Variants in DROSHA observed in about 807,000 individuals in gnomAD.
DROSHA encodes drosha ribonuclease III.
Under a neutral mutation model 181.9 loss-of-function variants are expected in DROSHA, and 56 were observed. That is an observed-to-expected ratio of 0.31 (90% CI 0.25 to 0.38). DROSHA has a LOEUF of 0.38. DROSHA is among the 10% of genes least tolerant of loss of function. The pLI is 1.00. For synonymous variants in DROSHA, 524 were observed against 591.2 expected (o/e 0.89, Z 1.65); for missense variants, 1,218 against 1,743.5 (o/e 0.70, Z 5.37).
intron 20 of DROSHA, among the ~76,000 whole-genome samples, chr5:31,452,321 C>T (rs775773126): frequency 6.6e-6 from 1 of 152,176 alleles, no homozygotes; most frequent in East Asian, 1.9e-4. Context: ...ACCAGATATG[C>T]CACCCTAAGT....
chr5:31,507,624 C>CA (rs933952330), intron 10 of DROSHA, among the ~76,000 whole-genome samples: 20 of 151,220 alleles, frequency 1.3e-4, no homozygotes, highest in East Asian at 3.9e-4. Flanking sequence ...TCAAAAAAAA[C>CA]AAAAAAACAA....
chr5:31,433,842 C>T (rs902814971), intron 25 of DROSHA, among the ~76,000 whole-genome samples: 2 of 152,188 alleles, frequency 1.3e-5, no homozygotes. Flanking sequence ...CATAAGCCAC[C>T]ACGCCCGGTA....
intron 16 of DROSHA, among the ~76,000 whole-genome samples, chr5:31,473,441 T>A (rs1368434583): frequency 3.3e-5 from 5 of 152,210 alleles, no homozygotes; most frequent in Admixed American, 3.3e-4. Context: ...TAGGCATGCA[T>A]TCACTCATTC....
At chr5:31,516,893 A>G (rs751156932) in intron 6 of DROSHA, among the ~76,000 whole-genome samples, 22 of 152,262 alleles carry the variant, frequency 1.4e-4, no homozygotes, top group Non-Finnish European at 2.4e-4. Context: ...ACCATAAACA[A>G]TGCTATCATG....
chr5:31,462,759 T>A (rs1445820695), intron 20 of DROSHA, among the ~76,000 whole-genome samples: 3 of 151,868 alleles, frequency 2.0e-5, no homozygotes, highest in Non-Finnish European at 4.4e-5. Context: ...CTGTCTCCAC[T>A]CCCATCTCCC....
At chr5:31,406,502 T>A (rs1271454070) in intron 34 of DROSHA, among the ~76,000 whole-genome samples, 2 of 151,204 alleles carry the variant, frequency 1.3e-5, no homozygotes, top group Non-Finnish European at 3.0e-5. Flanking sequence ...AAAAAAAAAA[T>A]AAATAAAAGT....
intron 15 of DROSHA, among the ~76,000 whole-genome samples, chr5:31,483,927 A>T (rs905292812): frequency 3.9e-5 from 6 of 152,090 alleles, no homozygotes; most frequent in African/African-American, 1.4e-4. Context: ...AACTATCAAG[A>T]CTTATTATAA....
intron 30 of DROSHA, among the ~76,000 whole-genome samples, chr5:31,413,621 C>A (rs767310008): frequency 1.3e-5 from 2 of 152,360 alleles, no homozygotes; most frequent in Admixed American, 1.3e-4. Context: ...AGAGGAGCAA[C>A]GTGCTGCTGC....
chr5:31,459,414 TAAAA>T (rs4050153), intron 20 of DROSHA, among the ~76,000 whole-genome samples: 2,635 of 130,196 alleles, frequency 0.02, 80 homozygotes, highest in African/African-American at 0.071. Context: ...TCCCATGTCT[TAAAA>T]AAAAAAAAAA....
chr5:31,491,821 G>A (rs1186417718), intron 13 of DROSHA, among the ~76,000 whole-genome samples: 1 of 152,080 alleles, frequency 6.6e-6, no homozygotes, highest in Non-Finnish European at 1.5e-5. Context: ...TTGAGACATA[G>A]TTTCACTCTT....
Position 31,514,487 on chromosome 5 carries a change from A to T in DROSHA, c.1290+501T>A, listed in dbSNP as rs1413022411. 2.6e-5 allele frequency among the ~76,000 whole-genome samples: 4 copies of T among 151,722 alleles called. No homozygotes were observed. The highest frequency in any genetic ancestry group is 9.7e-5 in the African/African-American group (4 of 41,304). ...ATGACCTCATCTCTACTAAAAAATA[A>T]AAAAAAATTAGCCAGTCATGGTGGC... On this transcript the variant is annotated intron_variant, in intron 8 of 35. Coordinates refer to ENST00000344624, the MANE Select transcript of DROSHA (RefSeq NM_001382508.1). The surrounding 1 kb of genome is among the most constrained non-coding windows in gnomAD (Gnocchi z 4.4).
chr5:31,464,488 T>C, intron 19 of DROSHA, 145 bp from the exon 20 acceptor site: 1 of 764,630 alleles, frequency 1.3e-6, no homozygotes, highest in East Asian at 2.7e-5. Context: ...AATTACAATA[T>C]TTTCTTTAAA....
chr5:31,513,926 A>G (rs1738977401), intron 8 of DROSHA, among the ~76,000 whole-genome samples: 1 of 152,212 alleles, frequency 6.6e-6, no homozygotes, highest in African/African-American at 2.4e-5. Context: ...GAGAGCAAAA[A>G]GGTGACAGTG....
At chr5:31,423,926 C>G (rs1251910358) in intron 28 of DROSHA, among the ~76,000 whole-genome samples, 1 of 152,154 alleles carries the variant, frequency 6.6e-6, no homozygotes, top group Non-Finnish European at 1.5e-5. Context: ...AGCTATCACA[C>G]TATACTAATT....
chr5:31,524,483 G>T (rs993531154), intron 5 of DROSHA, among the ~76,000 whole-genome samples: 1 of 152,210 alleles, frequency 6.6e-6, no homozygotes, highest in Non-Finnish European at 1.5e-5. Flanking sequence ...ACTGGGGAAA[G>T]AAAGAGAAGC....
At chr5:31,483,677 A>C (rs781726233) in intron 15 of DROSHA, 49 bp from the exon 16 acceptor site, 2 of 1,530,084 alleles carry the variant, frequency 1.3e-6, no homozygotes. Flanking sequence ...ACTCAGTCTT[A>C]AAAAACAAGC....
At chr5:31,458,672 T>C (rs951704844) in intron 20 of DROSHA, among the ~76,000 whole-genome samples, 2 of 152,214 alleles carry the variant, frequency 1.3e-5, no homozygotes, top group African/African-American at 4.8e-5. Flanking sequence ...AAATATCCTA[T>C]TATCTGTGCT....
intron 30 of DROSHA, among the ~76,000 whole-genome samples, chr5:31,420,782 T>C (rs1742566319): frequency 6.6e-6 from 1 of 152,234 alleles, no homozygotes; most frequent in African/African-American, 2.4e-5. Flanking sequence ...ACTCCACAGA[T>C]AGAAGAAACC....
intron 35 of DROSHA, among the ~76,000 whole-genome samples, chr5:31,404,706 T>G (rs1396023766): frequency 6.6e-6 from 1 of 152,148 alleles, no homozygotes; most frequent in African/African-American, 2.4e-5. Flanking sequence ...ACAAGGTCAA[T>G]CATGTAATTG....
Sources: gnomAD v4.1 joint callset for allele counts (sites outside exome capture counted in the v4.1 genomes callset) on GRCh38, gnomAD v4.1.1 for gene constraint, Gnocchi (gnomAD v3.1) non-coding constraint, MANE v1.5 for transcripts, NCBI Gene and HGNC (gene_info 2026-07-23, HGNC 2026-07-21) for gene names.